SLCO2A1: variants seen among roughly 807,000 people sequenced by gnomAD.
SLCO2A1 encodes matrin F/G 1.
SLCO2A1 carries 60 observed loss-of-function variants against 71.7 expected under a neutral mutation model. That is an observed-to-expected ratio of 0.84 (90% CI 0.68 to 1.04). SLCO2A1 has a LOEUF of 1.04. Ranked by LOEUF, SLCO2A1 falls within the 50% of genes least tolerant of loss-of-function variation. The probability of loss-of-function intolerance (pLI) is 0.00; values close to 1 mark genes in which losing one functional copy is unlikely to be tolerated. For synonymous variants in SLCO2A1, 308 were observed against 326.7 expected, an observed-to-expected ratio of 0.94 and a Z score of 0.62; for missense variants, 745 against 813.4, an observed-to-expected ratio of 0.92 and a Z score of 1.02.
intron 1 of SLCO2A1, among the ~76,000 whole-genome samples, chr3:133,993,915 C>G (rs577798172): frequency 6.6e-6 from 1 of 152,218 alleles, no homozygotes; most frequent in South Asian, 2.1e-4. Context: ...TCTCTTCCTG[C>G]CTTCAAGGAA....
chr3:134,003,351 G>A (rs940614297), intron 1 of SLCO2A1, among the ~76,000 whole-genome samples: 4 of 152,190 alleles, frequency 2.6e-5, no homozygotes, highest in Non-Finnish European at 4.4e-5. Context: ...GTAGGTCACA[G>A]GACACATACT....
At position 133,953,724 on chromosome 3, in the gene SLCO2A1, G is replaced by C; in HGVS notation, c.663C>G (p.Phe221Leu). The change falls in exon 5 of 14, where the codon TTC becomes TTG. Residue 221 changes from phenylalanine to leucine, a missense_variant. By Grantham distance (22) the Phe-to-Leu change is conservative (BLOSUM62 0). Transcript: ENST00000310926. ...LFAISVFGPA[F>L]GYLLGSVMLQ... Reference sequence around the variant, plus strand: ...GCATGACAGAGCCCAGCAGGTACCCGAAAGCCGGTCCAAATACAGAGATGG... The same window carrying C: ...GCATGACAGAGCCCAGCAGGTACCCCAAAGCCGGTCCAAATACAGAGATGG... 1 of 1,614,140 alleles carries C rather than the reference G, an allele frequency of 6.2e-7. No individual in the cohort carries two copies. The highest frequency in any genetic ancestry group is 8.5e-7 in the Non-Finnish European group (1 of 1,180,006).
At chr3:133,999,993 G>A (rs1430695460) in intron 1 of SLCO2A1, among the ~76,000 whole-genome samples, 2 of 152,136 alleles carry the variant, frequency 1.3e-5, no homozygotes, top group South Asian at 4.1e-4. Context: ...TTGGGACAAG[G>A]CAAAAACAAA....
At chr3:133,942,546 A>G (rs1328235567) in intron 11 of SLCO2A1, 59 bp downstream of exon 11, 14 of 1,532,248 alleles carry the variant, frequency 9.1e-6, no homozygotes, top group Admixed American at 2.0e-5. Context: ...GCGCAAAGTC[A>G]AAGGGAGATG....
At chr3:134,022,948 T>TTA (rs1207284230) in intron 1 of SLCO2A1, among the ~76,000 whole-genome samples, 2 of 152,172 alleles carry the variant, frequency 1.3e-5, no homozygotes, top group African/African-American at 4.8e-5. Flanking sequence ...CCACTTTCCT[T>TTA]TCTCTCAAAA....
chr3:133,992,652 A>T (rs188086911), intron 1 of SLCO2A1, among the ~76,000 whole-genome samples: 3 of 152,278 alleles, frequency 2.0e-5, no homozygotes, highest in Non-Finnish European at 4.4e-5. Context: ...CAGCAGAGGG[A>T]GGAGAAACAG....
At chr3:133,983,632 G>A in intron 1 of SLCO2A1, among the ~76,000 whole-genome samples, 1 of 152,190 alleles carries the variant, frequency 6.6e-6, no homozygotes, top group East Asian at 1.9e-4. Flanking sequence ...TCTTTGTCTG[G>A]ATAACTTCCC....
At position 133,999,193 on chromosome 3, in the gene SLCO2A1, C is replaced by A. The variant is rs1234171698; in HGVS notation, c.97-19575G>T. ...CAGGCATGGCTTACATGGAGATACA[C>A]TCCTGAAGATCGCAGTTCAAAACAC... On this transcript the variant is annotated intron_variant, in intron 1 of 13. Coordinates refer to ENST00000310926, the MANE Select transcript of SLCO2A1 (RefSeq NM_005630.3). 2.0e-5 allele frequency among the ~76,000 whole-genome samples: 3 copies of A among 152,200 alleles called. No individual in the cohort carries two copies. In the East Asian group the frequency reaches 5.8e-4, roughly 29 times the overall value.
At chr3:134,022,505 G>A (rs996839296) in intron 1 of SLCO2A1, among the ~76,000 whole-genome samples, 6 of 152,158 alleles carry the variant, frequency 3.9e-5, no homozygotes, top group South Asian at 2.1e-4. Context: ...ATTAGCTAAA[G>A]TTAAAGAAGT....
At chr3:134,001,593 C>T (rs751271091) in intron 1 of SLCO2A1, among the ~76,000 whole-genome samples, 10 of 152,160 alleles carry the variant, frequency 6.6e-5, no homozygotes, top group Non-Finnish European at 1.3e-4. Context: ...CTCTACTCCT[C>T]AGATCAGCAA....
chr3:133,945,114 G>A lies in SLCO2A1; in HGVS notation c.1442C>T (p.Ser481Phe), dbSNP rs1576427743. 2 of 1,613,474 alleles carry A rather than the reference G, an allele frequency of 1.2e-6. No individual in the cohort carries two copies. The highest frequency in any genetic ancestry group is 1.3e-5 in the African/African-American group (1 of 74,918). The change falls in exon 10 of 14, where the codon TCT becomes TTT. Residue 481 changes from serine (S) to phenylalanine (F), a missense_variant. Ser to Phe is a radical substitution (Grantham distance 155). Coordinates refer to ENST00000310926, the MANE Select transcript of SLCO2A1 (RefSeq NM_005630.3). ...HAGCSNINMS[S>F]ATSKQLIYLN... ...CCTTACCAGTTGCTTGGAGGTTGCA[G>A]AGCTCATGTTGATGTTGCTGCAGCC... is the stretch of plus-strand genomic sequence containing the variant.
rs1385018283 is a variant in SLCO2A1, at chr3:133,949,297, G to A, written c.862-326C>T. On this transcript the variant is annotated intron_variant, in intron 6 of 13. Transcript: ENST00000310926. ...TGGACCCCACCCCTCACCCCCATCT[G>A]TCATGGCTACGCTTCTCCCCTACCC... The A allele has an allele frequency of 2.3e-5, 7 of 307,242 alleles. No homozygotes were observed. The East Asian group carries it at 5.6e-4, about 24-fold the overall frequency. 19.0% of individuals were successfully genotyped at this position (307,242 alleles called of 1,614,324 possible). A position where few individuals can be genotyped will look rare whatever the true frequency, so the allele number is the denominator to read the frequency against.
intron 1 of SLCO2A1, among the ~76,000 whole-genome samples, chr3:134,012,898 A>G (rs755079924): frequency 6.6e-6 from 1 of 152,198 alleles, no homozygotes; most frequent in Non-Finnish European, 1.5e-5. Flanking sequence ...AAAATGTCAT[A>G]GCAAGGGAGG....
chr3:134,009,597 G>A (rs1335679523), intron 1 of SLCO2A1, among the ~76,000 whole-genome samples: 1 of 152,216 alleles, frequency 6.6e-6, no homozygotes, highest in Non-Finnish European at 1.5e-5. Context: ...ACTGCCCCAC[G>A]CCCATGAAGG....
At chr3:134,026,667 A>G (rs1431591715) in intron 1 of SLCO2A1, among the ~76,000 whole-genome samples, 1 of 152,192 alleles carries the variant, frequency 6.6e-6, no homozygotes, top group South Asian at 2.1e-4. Flanking sequence ...ATCACTAATA[A>G]AACCGGCAGA....
intron 11 of SLCO2A1, chr3:133,942,305 T>C (rs1933444671): frequency 8.0e-6 from 2 of 251,562 alleles, no homozygotes; most frequent in South Asian, 1.4e-4. Context: ...AGGCTTGTGA[T>C]TTAACCTCCA....
At chr3:134,017,697 G>T (rs1235602148) in intron 1 of SLCO2A1, among the ~76,000 whole-genome samples, 3 of 152,216 alleles carry the variant, frequency 2.0e-5, no homozygotes, top group African/African-American at 7.2e-5. Flanking sequence ...GCAGAAAGGG[G>T]CTTGAAGTGA....
intron 1 of SLCO2A1, among the ~76,000 whole-genome samples, chr3:134,009,190 C>A (rs1373653819): frequency 2.0e-5 from 3 of 152,168 alleles, no homozygotes; most frequent in Non-Finnish European, 2.9e-5. Flanking sequence ...ATGGAAAACA[C>A]TGAAATTCAC....
At chr3:133,981,484 G>T (rs36011147) in intron 1 of SLCO2A1, among the ~76,000 whole-genome samples, 16,992 of 152,172 alleles carry the variant, frequency 0.11, 1,317 homozygotes, top group Non-Finnish European at 0.16. Flanking sequence ...GGGGAGGTGG[G>T]AGTGCCTTTG....
Sources: gnomAD v4.1 joint callset for allele counts (sites outside exome capture counted in the v4.1 genomes callset) on GRCh38, gnomAD v4.1.1 for gene constraint, MANE v1.5 for transcripts, NCBI Gene and HGNC (gene_info 2026-07-23, HGNC 2026-07-21) for gene names.